The following MBD5 variants were observed in gnomAD, a reference collection of about 807,000 sequenced individuals.
The protein encoded by MBD5 is methyl-CpG-binding domain protein 5.
A neutral mutation model predicts 117.3 loss-of-function variants in MBD5; 13 were observed. The ratio of observed to expected loss-of-function variants is 0.11; its 90% CI spans 0.07 to 0.18. The LOEUF (loss-of-function observed/expected upper bound fraction) is 0.18. Among genes scored for constraint, MBD5 ranks in the 10% least tolerant of loss-of-function variants. The probability of loss-of-function intolerance (pLI) is 1.00; values close to 1 mark genes in which losing one functional copy is unlikely to be tolerated. For synonymous variants in MBD5, 727 were observed against 766.4 expected, an observed-to-expected ratio of 0.95 and a Z score of 0.85; for missense variants, 1,879 against 2,093.8, an observed-to-expected ratio of 0.90 and a Z score of 2.00.
chr2:148,445,340 A>T (rs879566082), intron 4 of MBD5, among the ~76,000 whole-genome samples: 5 of 149,920 alleles, frequency 3.3e-5, no homozygotes, highest in East Asian at 1.9e-4. Context: ...GCTGTGTCCA[A>T]ATGTTCTCAT....
At chr2:148,232,420 A>G (rs1361812650) in intron 2 of MBD5, among the ~76,000 whole-genome samples, 33 of 152,172 alleles carry the variant, frequency 2.2e-4, no homozygotes, top group Admixed American at 2.2e-3. Flanking sequence ...TGGAAAAGAT[A>G]AGTGATCATG....
chr2:148,399,912 CAT>C (rs1419284579), intron 4 of MBD5, among the ~76,000 whole-genome samples: 1 of 152,126 alleles, frequency 6.6e-6, no homozygotes, highest in Non-Finnish European at 1.5e-5. Context: ...TTGAGATAAT[CAT>C]GTGGTTTTTT....
At chr2:148,374,005 T>C (rs1703924237) in intron 4 of MBD5, among the ~76,000 whole-genome samples, 1 of 152,114 alleles carries the variant, frequency 6.6e-6, no homozygotes, top group East Asian at 1.9e-4. Context: ...TGGGAGCATT[T>C]TGGATTTCAG....
chr2:148,277,437 A>G (rs1049186991), intron 3 of MBD5, among the ~76,000 whole-genome samples: 1 of 152,168 alleles, frequency 6.6e-6, no homozygotes, highest in African/African-American at 2.4e-5. Flanking sequence ...AAATATATGT[A>G]TAAATTGTTC....
intron 1 of MBD5, among the ~76,000 whole-genome samples, chr2:148,104,081 A>T (rs1468638059): frequency 2.0e-5 from 3 of 152,120 alleles, no homozygotes; most frequent in Admixed American, 2.0e-4. Context: ...TCATCCTTTC[A>T]GGAGATAATC....
intron 2 of MBD5, among the ~76,000 whole-genome samples, chr2:148,212,215 C>A (rs1316798657): frequency 1.3e-5 from 2 of 152,180 alleles, no homozygotes; most frequent in African/African-American, 4.8e-5. Flanking sequence ...CAAAAAGAAA[C>A]CCTGTATCCA....
At chr2:148,160,981 A>G (rs554263926) in intron 1 of MBD5, among the ~76,000 whole-genome samples, 2 of 152,252 alleles carry the variant, frequency 1.3e-5, no homozygotes, top group Admixed American at 6.5e-5. Flanking sequence ...ATTATGGGAG[A>G]AGACTCATTT....
At chr2:148,265,617 C>T (rs1405989922) in intron 3 of MBD5, among the ~76,000 whole-genome samples, 1 of 152,108 alleles carries the variant, frequency 6.6e-6, no homozygotes, top group Non-Finnish European at 1.5e-5. Context: ...GCACTTGCCT[C>T]ATCAAAATAT....
intron 1 of MBD5, among the ~76,000 whole-genome samples, chr2:148,142,097 G>A (rs1697331911): frequency 6.6e-6 from 1 of 152,130 alleles, no homozygotes; most frequent in Non-Finnish European, 1.5e-5. Flanking sequence ...ACAAAACCAT[G>A]AGACTCAAGA....
At chr2:148,260,942 A>C (rs556584577) in intron 3 of MBD5, among the ~76,000 whole-genome samples, 164 of 152,346 alleles carry the variant, frequency 1.1e-3, no homozygotes, top group African/African-American at 3.0e-3. Context: ...CTCTTTGTAC[A>C]TCTCCATCAC....
chr2:148,279,795 G>A (rs1305538889), intron 3 of MBD5, among the ~76,000 whole-genome samples: 2 of 151,910 alleles, frequency 1.3e-5, no homozygotes, highest in African/African-American at 2.4e-5. Flanking sequence ...TTTTTAAGAA[G>A]TGTATCTCTC....
chr2:148,139,359 A>G (rs1697252269), intron 1 of MBD5, among the ~76,000 whole-genome samples: 1 of 152,232 alleles, frequency 6.6e-6, no homozygotes, highest in East Asian at 1.9e-4. Flanking sequence ...GGCATGCGCC[A>G]CCACGCCCAG....
chr2:148,073,264 C>A lies in MBD5; in HGVS notation c.-925+51580C>A, dbSNP rs530333939. Among the ~76,000 whole-genome samples, 4 of 152,146 alleles carry A rather than the reference C, an allele frequency of 2.6e-5. No homozygotes were observed. The East Asian group carries it at 5.8e-4, about 22-fold the overall frequency. The stretch of plus-strand genomic sequence containing the variant: ...ACCATTGTCTTAATTCTAGATTTAT[C>A]ATTTGGGGTAGGGGGTAGCAGGTAT... On this transcript the variant is annotated intron_variant, in intron 1 of 13. Transcript: ENST00000642680.
intron 1 of MBD5, among the ~76,000 whole-genome samples, chr2:148,030,027 T>C (rs1178161133): frequency 2.0e-5 from 3 of 152,152 alleles, no homozygotes; most frequent in Non-Finnish European, 2.9e-5. Flanking sequence ...CCCCAGCACT[T>C]TGGGAGGCCA....
At chr2:148,341,468 T>C (rs1702945498) in intron 3 of MBD5, among the ~76,000 whole-genome samples, 2 of 152,016 alleles carry the variant, frequency 1.3e-5, no homozygotes, top group Admixed American at 1.3e-4. Context: ...ATCATGAGAT[T>C]AAGTGAGGAT....
chr2:148,061,494 C>T (rs1026226781), intron 1 of MBD5, among the ~76,000 whole-genome samples: 4 of 151,918 alleles, frequency 2.6e-5, no homozygotes, highest in African/African-American at 7.3e-5. Context: ...GGGAAATCTA[C>T]CATATCATAA....
intron 4 of MBD5, among the ~76,000 whole-genome samples, chr2:148,352,440 A>G (rs1703269598): frequency 6.6e-6 from 1 of 152,070 alleles, no homozygotes; most frequent in South Asian, 2.1e-4. Context: ...CAAGTTAGTG[A>G]CATTGATACA....
At position 148,483,143 on chromosome 2, in the gene MBD5, C is replaced by T. The variant is rs144557654; in HGVS notation, c.2552C>T (p.Ala851Val). 1.5e-5 allele frequency: 24 copies of T among 1,612,070 alleles called. No homozygotes were observed. Among genetic ancestry groups the T allele is most frequent in the Admixed American group, 5.0e-5 (3 of 59,870 alleles). Reference sequence around the variant, plus strand: ...GGACCATCATCCTCCATAGCCATAGCGGGCACCAACCACCCTGCCATCACA... The same window carrying T: ...GGACCATCATCCTCCATAGCCATAGTGGGCACCAACCACCCTGCCATCACA... Reference protein sequence around the residue: ...GSGPSSSIAIAGTNHPAITKT... With the variant: ...GSGPSSSIAIVGTNHPAITKT... Residue 851 changes from alanine (A) to valine (V), a missense_variant, in exon 9 of 14, where the codon GCG (alanine) becomes GTG (valine). Physicochemically the swap from Ala to Val is moderately conservative, Grantham distance 64. Transcript: ENST00000642680.
intron 4 of MBD5, among the ~76,000 whole-genome samples, chr2:148,446,396 C>G (rs1419979427): frequency 6.6e-6 from 1 of 151,728 alleles, no homozygotes; most frequent in South Asian, 2.1e-4. Context: ...AGGTGATATC[C>G]AAAAACAAAC....
Sources: allele counts gnomAD v4.1 joint callset (sites outside exome capture counted in the v4.1 genomes callset), GRCh38; gene constraint gnomAD v4.1.1; transcripts MANE v1.5; gene names NCBI Gene and HGNC (gene_info 2026-07-23, HGNC 2026-07-21).